CSMD1: variants seen among roughly 807,000 people sequenced by gnomAD.
CSMD1 encodes CUB and sushi domain-containing protein 1.
A neutral mutation model predicts 417.5 loss-of-function variants in CSMD1; 213 were observed. The ratio of observed to expected loss-of-function variants is 0.51; its 90% confidence interval spans 0.46 to 0.57. The LOEUF (loss-of-function observed/expected upper bound fraction) is 0.57, where lower values mean the gene tolerates loss of function less well. CSMD1 is among the 20% of genes least tolerant of loss of function. The probability of loss-of-function intolerance (pLI) is 0.00; values close to 1 mark genes in which losing one functional copy is unlikely to be tolerated. For missense variants in CSMD1, 6,923 were observed against 4,529.7 expected, an observed-to-expected ratio of 1.53 and a Z score of -15.17; for synonymous variants, 2,862 against 1,736.8, an observed-to-expected ratio of 1.65 and a Z score of -16.11.
At chr8:3,480,222 T>A (rs932056177) in intron 11 of CSMD1, among the ~76,000 whole-genome samples, 1 of 151,838 alleles carries the variant, frequency 6.6e-6, no homozygotes, top group Admixed American at 6.6e-5. Context: ...ATTAGCTGGG[T>A]GTGGTGGCAC....
chr8:3,434,466 C>T (rs1814420309), intron 12 of CSMD1, among the ~76,000 whole-genome samples: 1 of 152,030 alleles, frequency 6.6e-6, no homozygotes, highest in South Asian at 2.1e-4. Flanking sequence ...AAATAGTATC[C>T]CTGACAGTTA....
At chr8:4,895,378 T>C (rs973999502) in intron 1 of CSMD1, among the ~76,000 whole-genome samples, 3 of 152,154 alleles carry the variant, frequency 2.0e-5, no homozygotes, top group Non-Finnish European at 2.9e-5. Flanking sequence ...TAGCTCAGTA[T>C]GATGCACCAA....
chr8:3,041,768 C>T (rs1213278474), intron 50 of CSMD1, among the ~76,000 whole-genome samples: 2 of 152,018 alleles, frequency 1.3e-5, no homozygotes, highest in Non-Finnish European at 2.9e-5. Flanking sequence ...TTCAACACAG[C>T]ACAGCGTTTT....
chr8:3,089,996 T>C (rs1004552185), intron 48 of CSMD1, among the ~76,000 whole-genome samples: 2 of 152,158 alleles, frequency 1.3e-5, no homozygotes, highest in Non-Finnish European at 1.5e-5. Flanking sequence ...GTTTCCACAT[T>C]GGAAAAATTC....
chr8:3,944,029 T>G (rs1178704039), intron 5 of CSMD1, among the ~76,000 whole-genome samples: 2 of 152,130 alleles, frequency 1.3e-5, no homozygotes, highest in Non-Finnish European at 2.9e-5. Flanking sequence ...TATACTGTGG[T>G]TGTGAAAGAA....
intron 7 of CSMD1, among the ~76,000 whole-genome samples, chr8:3,701,311 C>T (rs1290419535): frequency 2.0e-5 from 3 of 152,132 alleles, no homozygotes; most frequent in Admixed American, 2.0e-4. Context: ...TTTCTTCTCT[C>T]TTTATTTCTC....
intron 1 of CSMD1, among the ~76,000 whole-genome samples, chr8:4,668,018 G>A (rs1192897655): frequency 6.6e-6 from 1 of 152,098 alleles, no homozygotes; most frequent in Non-Finnish European, 1.5e-5. Flanking sequence ...AAGCTATAGC[G>A]ATTCTACATG....
At chr8:4,308,454 A>C (rs568272976) in intron 3 of CSMD1, among the ~76,000 whole-genome samples, 21 of 152,194 alleles carry the variant, frequency 1.4e-4, no homozygotes, top group African/African-American at 4.8e-4. Flanking sequence ...GGTTTAGAAA[A>C]GGATGTGATC....
intron 1 of CSMD1, among the ~76,000 whole-genome samples, chr8:4,859,354 G>A (rs538353734): frequency 1.3e-5 from 2 of 152,254 alleles, no homozygotes; most frequent in Non-Finnish European, 2.9e-5. Flanking sequence ...ACATAGGCAT[G>A]GGCAAGGACT....
intron 50 of CSMD1, among the ~76,000 whole-genome samples, chr8:3,046,280 T>C (rs9314470): frequency 0.7 from 105,781 of 151,930 alleles, 37,732 homozygotes; most frequent in East Asian, 0.97. Context: ...CGTGGACGCA[T>C]GTGTTTCAGA....
chr8:3,310,523 C>T (rs62504437), intron 23 of CSMD1, among the ~76,000 whole-genome samples: 12,746 of 152,192 alleles, frequency 0.084, 668 homozygotes, highest in Non-Finnish European at 0.12. Context: ...CAAAATCTTG[C>T]GCTATCTTGA....
intron 10 of CSMD1, among the ~76,000 whole-genome samples, chr8:3,561,157 G>C (rs537797756): frequency 2.2e-4 from 33 of 152,326 alleles, no homozygotes; most frequent in Non-Finnish European, 4.6e-4. Context: ...ATGTTGGCAA[G>C]GATGTGCAGA....
intron 2 of CSMD1, among the ~76,000 whole-genome samples, chr8:4,559,144 G>C (rs6992238): frequency 0.034 from 5,230 of 152,202 alleles, 89 homozygotes; most frequent in African/African-American, 0.051. Flanking sequence ...CCCTTGCTTG[G>C]AATCAAGATC....
chr8:3,450,001 G>T (rs776064664), intron 12 of CSMD1, among the ~76,000 whole-genome samples: 1 of 152,186 alleles, frequency 6.6e-6, no homozygotes, highest in Non-Finnish European at 1.5e-5. Flanking sequence ...GGGAGAGAGG[G>T]TCACCAGCTC....
intron 30 of CSMD1, among the ~76,000 whole-genome samples, chr8:3,209,410 G>C (rs1023632035): frequency 6.6e-6 from 1 of 151,928 alleles, no homozygotes; most frequent in African/African-American, 2.4e-5. Context: ...TCCATCTCCC[G>C]GGTTCATGCC....
At chr8:3,010,676 G>A (rs993944694) in intron 52 of CSMD1, among the ~76,000 whole-genome samples, 1 of 151,600 alleles carries the variant, frequency 6.6e-6, no homozygotes, top group African/African-American at 2.4e-5. Context: ...CCTCTAGGTT[G>A]CTCCCACTCT....
intron 3 of CSMD1, among the ~76,000 whole-genome samples, chr8:4,264,922 T>C (rs1427175918): frequency 6.6e-6 from 1 of 152,210 alleles, no homozygotes; most frequent in African/African-American, 2.4e-5. Context: ...AAGTCCCATT[T>C]CTAAACTTCT....
chr8:3,483,817 A>T (rs1307557533), intron 11 of CSMD1, among the ~76,000 whole-genome samples: 1 of 152,190 alleles, frequency 6.6e-6, no homozygotes, highest in African/African-American at 2.4e-5. Context: ...ATTCCATTTT[A>T]TGAAAGGCTG....
chr8:4,448,148 C>T (rs747698526), intron 2 of CSMD1, among the ~76,000 whole-genome samples: 9 of 152,116 alleles, frequency 5.9e-5, no homozygotes, highest in South Asian at 2.1e-4. Context: ...GTGTATCGCT[C>T]GTATCACCTC....
Sources: allele counts gnomAD v4.1 joint callset (sites outside exome capture counted in the v4.1 genomes callset), GRCh38; gene constraint gnomAD v4.1.1; transcripts MANE v1.5; gene names NCBI Gene and HGNC (gene_info 2026-07-23, HGNC 2026-07-21).